Variants in LMF1 observed in about 807,000 individuals in gnomAD.
LMF1 encodes the protein transmembrane protein 112.
Under a neutral mutation model 60.6 loss-of-function variants are expected in LMF1, and 68 were observed. The ratio of observed to expected loss-of-function variants is 1.12; its 90% CI spans 0.92 to 1.37. The LOEUF is 1.37. Among genes scored for constraint, LMF1 ranks in the 40% most tolerant of loss-of-function variants. The pLI is 0.00. For synonymous variants in LMF1, 418 were observed against 324.7 expected, an observed-to-expected ratio of 1.29 and a Z score of -3.09; for missense variants, 948 against 767.2, an observed-to-expected ratio of 1.24 and a Z score of -2.78.
chr16:865,346 C>T (rs1196267442), intron 10 of LMF1, among the ~76,000 whole-genome samples: 1 of 152,094 alleles, frequency 6.6e-6, no homozygotes, highest in Non-Finnish European at 1.5e-5. Context: ...TTGTATTTAC[C>T]CATGTCTTTT....
intron 3 of LMF1, among the ~76,000 whole-genome samples, chr16:927,089 G>A (rs1034996778): frequency 6.6e-6 from 1 of 152,192 alleles, no homozygotes; most frequent in Non-Finnish European, 1.5e-5. Flanking sequence ...AGATGGAGCC[G>A]AGTCTGAGGG....
In LMF1 at chr16:870,823, C is replaced by T. The variant is rs201734228; in HGVS notation, c.1138G>A (p.Val380Met). Reference sequence around the variant, plus strand: ...CTCAGCAAGTTGAGGACCACGGGCACGCTGAGCCAGGCCAGCAGGACGCCC... The same window carrying T: ...CTCAGCAAGTTGAGGACCACGGGCATGCTGAGCCAGGCCAGCAGGACGCCC... The part of the protein sequence containing the change: ...SLGVLLAWLS[V>M]PVVLNLLSSR... Residue 380 changes from valine to methionine, a missense_variant, in exon 8 of 11, where the codon GTG becomes ATG. By Grantham distance (21) the Val-to-Met change is conservative. Coordinates refer to ENST00000262301, the MANE Select transcript of LMF1 (RefSeq NM_022773.4). The T allele has an allele frequency of 2.9e-4, 469 of 1,612,516 alleles. No homozygotes were observed. Among genetic ancestry groups the T allele is most frequent in the Middle Eastern group, 3.3e-4 (2 of 6,058 alleles).
intron 1 of LMF1, among the ~76,000 whole-genome samples, chr16:960,537 C>T (rs1182327246): frequency 2.2e-5 from 3 of 139,322 alleles, no homozygotes; most frequent in Admixed American, 7.1e-5. Flanking sequence ...GGTGACAACA[C>T]GGGATCACGA....
At chr16:923,061 A>G (rs1366566923) in intron 3 of LMF1, among the ~76,000 whole-genome samples, 3 of 128,256 alleles carry the variant, frequency 2.3e-5, no homozygotes, top group Non-Finnish European at 3.4e-5. Context: ...TTCGGGTGTG[A>G]TGTGGTGTTG....
In LMF1 at chr16:853,899, A is replaced by T. The variant is rs1400366096; in HGVS notation, c.*633T>A. 2.0e-5 allele frequency: 9 copies of T among 454,122 alleles called. No individual in the cohort carries two copies. In the East Asian group the frequency reaches 6.3e-4, roughly 32 times the overall value. The allele number at this position is 454,122 out of a possible 1,614,324, so 28.1% of individuals were successfully genotyped here. On this transcript the variant is annotated 3_prime_UTR_variant, in exon 11 of 11. Coordinates refer to ENST00000262301, the MANE Select transcript of LMF1 (RefSeq NM_022773.4). ...GTCATGGGGGGATGAAACCGGGCCA[A>T]GAACACATGTGTGCACAGGCTGTGT...
At chr16:895,834 G>A (rs1596936408) in intron 4 of LMF1, among the ~76,000 whole-genome samples, 2 of 151,912 alleles carry the variant, frequency 1.3e-5, no homozygotes, top group African/African-American at 2.4e-5. Context: ...CAGGCTGCAC[G>A]GTCCACACAC....
upstream of LMF1, among the ~76,000 whole-genome samples, chr16:973,436 A>T (rs2073083519): frequency 6.6e-6 from 1 of 152,358 alleles, no homozygotes; most frequent in South Asian, 2.1e-4. Context: ...GTGGGACAGG[A>T]CAGACGCGGA....
chr16:859,209 T>TCGGGACGGGTGTGAGTGGTGTCA (rs2069337953), intron 10 of LMF1, among the ~76,000 whole-genome samples: 1 of 43,298 alleles, frequency 2.3e-5, no homozygotes, highest in Non-Finnish European at 4.0e-5. Flanking sequence ...GAGTGGTGTC[T>TCGGGACGGGTGTGAGTGGTGTCA]CGGGACGGGT....
At chr16:892,949 T>C in intron 5 of LMF1, 58 bp downstream of exon 5, 1 of 1,359,854 alleles carries the variant, frequency 7.4e-7, no homozygotes, top group Non-Finnish European at 1.0e-6. Context: ...CCGCCAAGAG[T>C]GGGAACGGGG....
At chr16:890,657 A>G (rs2070455299) in intron 5 of LMF1, among the ~76,000 whole-genome samples, 1 of 152,214 alleles carries the variant, frequency 6.6e-6, no homozygotes, top group Non-Finnish European at 1.5e-5. Flanking sequence ...CACCTTCCAG[A>G]AGCTCAGCCA....
intron 5 of LMF1, among the ~76,000 whole-genome samples, chr16:890,231 G>A (rs1209440585): frequency 4.6e-5 from 7 of 152,176 alleles, no homozygotes; most frequent in African/African-American, 1.2e-4. Context: ...CAGGCACGGC[G>A]CCGCACTGCT....
chr16:971,701 A>C (rs557948971), upstream of LMF1, among the ~76,000 whole-genome samples: 1 of 152,242 alleles, frequency 6.6e-6, no homozygotes, highest in African/African-American at 2.4e-5. Context: ...TGATGACTGG[A>C]GCGGGGTTCT....
intron 5 of LMF1, among the ~76,000 whole-genome samples, chr16:880,632 G>C (rs904405066): frequency 6.6e-6 from 1 of 152,236 alleles, no homozygotes; most frequent in Admixed American, 6.5e-5. Context: ...ACTGTGCCAC[G>C]GCACTCAGCC....
chr16:921,767 C>T lies in LMF1; in HGVS notation c.515-10688G>A, dbSNP rs557207800. 6.6e-5 allele frequency among the ~76,000 whole-genome samples: 10 copies of T among 152,264 alleles called. No homozygotes were observed. The South Asian group carries it at 8.3e-4, about 13-fold the overall frequency. On this transcript the variant is annotated intron_variant, in intron 3 of 10. Transcript: ENST00000262301. ...GGGACACGGGCGAGGAGACCCACTACGTAACAACGCAGCAAACCCCGTGAA... is the reference window on the plus strand; with the variant it reads ...GGGACACGGGCGAGGAGACCCACTATGTAACAACGCAGCAAACCCCGTGAA...
intron 10 of LMF1, among the ~76,000 whole-genome samples, chr16:862,790 C>T (rs970754177): frequency 6.6e-6 from 1 of 152,102 alleles, no homozygotes; most frequent in Middle Eastern, 3.4e-3. Context: ...CTGAGGAGGT[C>T]GAGGCTACAG....
At chr16:869,321 C>G in intron 9 of LMF1, 1 of 667,254 alleles carries the variant, frequency 1.5e-6, no homozygotes, top group Non-Finnish European at 2.8e-6. Context: ...CACCCTCTGT[C>G]TGGGCCTTGC....
chr16:977,120 G>A, intron 1 of LMF1: 1 of 454,078 alleles, frequency 2.2e-6, no homozygotes, highest in South Asian at 1.6e-5. Context: ...AAGACTCACT[G>A]AGTGGTTTTC....
intron 1 of LMF1, among the ~76,000 whole-genome samples, chr16:958,218 T>A (rs2072747502): frequency 6.6e-6 from 1 of 152,248 alleles, no homozygotes; most frequent in Non-Finnish European, 1.5e-5. Context: ...AAAAGCATAA[T>A]CTATGAAATT....
intron 2 of LMF1, among the ~76,000 whole-genome samples, chr16:936,978 C>T (rs753676797): frequency 1.3e-4 from 20 of 152,242 alleles, no homozygotes; most frequent in African/African-American, 2.6e-4. Flanking sequence ...GCTAAAAAGA[C>T]GCAGCCTCAC....
Sources: gnomAD v4.1 joint callset for allele counts (sites outside exome capture counted in the v4.1 genomes callset) on GRCh38, gnomAD v4.1.1 for gene constraint, MANE v1.5 for transcripts, NCBI Gene and HGNC (gene_info 2026-07-23, HGNC 2026-07-21) for gene names.